Variants in ARHGAP6 observed in about 807,000 individuals in gnomAD.
ARHGAP6 encodes Rho GTPase activating protein 6.
A neutral mutation model predicts 55.7 loss-of-function variants in ARHGAP6; 16 were observed. That is an observed-to-expected ratio of 0.29 (90% confidence interval 0.19 to 0.44). The LOEUF (loss-of-function observed/expected upper bound fraction) is 0.44, where lower values mean the gene tolerates loss of function less well. Among genes scored for constraint, ARHGAP6 ranks in the 20% least tolerant of loss-of-function variants. The probability of loss-of-function intolerance (pLI) is 1.00; values close to 1 mark genes in which losing one functional copy is unlikely to be tolerated. For missense variants in ARHGAP6, 698 were observed against 808.9 expected (o/e 0.86, Z 1.66); for synonymous variants, 382 against 360.9 (o/e 1.06, Z -0.66).
At chrX:11,500,770 G>C (rs2050670237) in intron 1 of ARHGAP6, among the ~76,000 whole-genome samples, 1 of 109,705 alleles carries the variant, frequency 9.1e-6, no homozygotes, top group Non-Finnish European at 1.9e-5. Context: ...CAAGTCTTTT[G>C]GGGGGGAAGG....
chrX:11,391,181 G>A (rs146619818), intron 1 of ARHGAP6, among the ~76,000 whole-genome samples: 4 of 111,430 alleles, frequency 3.6e-5, no homozygotes, highest in African/African-American at 9.8e-5. Flanking sequence ...GGATGAAGCC[G>A]GAAACCATCA....
At chrX:11,470,983 A>G (rs184006886) in intron 1 of ARHGAP6, among the ~76,000 whole-genome samples, 400 of 112,148 alleles carry the variant, frequency 3.6e-3, no homozygotes, top group African/African-American at 0.012. Context: ...TTGCATATAC[A>G]GGTTTCTCTA....
chrX:11,336,257 G>A (rs1603092862), intron 1 of ARHGAP6, among the ~76,000 whole-genome samples: 1 of 111,205 alleles, frequency 9.0e-6, no homozygotes, highest in Non-Finnish European at 1.9e-5. Context: ...AGTCTCCTGG[G>A]CATTTTCTAC....
At chrX:11,529,086 C>G (rs1316186696) in intron 1 of ARHGAP6, among the ~76,000 whole-genome samples, 1 of 111,617 alleles carries the variant, frequency 9.0e-6, no homozygotes, top group Non-Finnish European at 1.9e-5. Context: ...TTTTACTTTT[C>G]TCAGGCCCTT....
chrX:11,275,454 T>C (rs935743558), intron 1 of ARHGAP6, among the ~76,000 whole-genome samples: 1 of 111,692 alleles, frequency 9.0e-6, no homozygotes, highest in African/African-American at 3.2e-5. Context: ...CATTGCTTCC[T>C]ATGTCTCTCC....
intron 1 of ARHGAP6, among the ~76,000 whole-genome samples, chrX:11,399,414 T>C (rs1053668075): frequency 1.8e-5 from 2 of 108,765 alleles, no homozygotes; most frequent in African/African-American, 6.7e-5. Context: ...AATGGATCAT[T>C]GTCCTAAGTA....
At chrX:11,407,876 A>G (rs2049630096) in intron 1 of ARHGAP6, among the ~76,000 whole-genome samples, 1 of 111,522 alleles carries the variant, frequency 9.0e-6, no homozygotes, top group Admixed American at 9.6e-5. Context: ...AATCAGATAC[A>G]GGAATGATAT....
intron 1 of ARHGAP6, among the ~76,000 whole-genome samples, chrX:11,661,653 A>T (rs1241214688): frequency 1.8e-5 from 2 of 112,452 alleles, no homozygotes; most frequent in African/African-American, 6.5e-5. Flanking sequence ...AATGGAAGAG[A>T]AATAGAAAAT....
At chrX:11,263,635 C>A (rs749314364) in intron 1 of ARHGAP6, among the ~76,000 whole-genome samples, 5 of 110,922 alleles carry the variant, frequency 4.5e-5, no homozygotes, top group Non-Finnish European at 9.5e-5. Flanking sequence ...TTGCACCAAC[C>A]CTTAAGGAGG....
At chrX:11,247,409 C>T (rs991281138) in intron 2 of ARHGAP6, among the ~76,000 whole-genome samples, 1 of 112,422 alleles carries the variant, frequency 8.9e-6, no homozygotes, top group African/African-American at 3.2e-5. Context: ...AATGCCTACA[C>T]TAACGTGCTA....
chrX:11,596,338 C>T (rs746309432), intron 1 of ARHGAP6, among the ~76,000 whole-genome samples: 9 of 111,465 alleles, frequency 8.1e-5, no homozygotes, highest in African/African-American at 2.6e-4. Context: ...AACCAAACAT[C>T]GCATGTTGTC....
At chrX:11,266,639 G>C (rs1018545432) in intron 1 of ARHGAP6, among the ~76,000 whole-genome samples, 1 of 111,089 alleles carries the variant, frequency 9.0e-6, no homozygotes, top group African/African-American at 3.3e-5. Context: ...GAGAGAAAAG[G>C]GAAGATTAAT....
At chrX:11,338,909 C>G (rs1002758982) in intron 1 of ARHGAP6, among the ~76,000 whole-genome samples, 1 of 112,006 alleles carries the variant, frequency 8.9e-6, no homozygotes, top group Admixed American at 9.5e-5. Context: ...TTTTCCTTCA[C>G]TAGCCACTTG....
chrX:11,140,262 C>CA (rs1344299607), intron 12 of ARHGAP6, among the ~76,000 whole-genome samples: 1 of 107,557 alleles, frequency 9.3e-6, no homozygotes, highest in Non-Finnish European at 1.9e-5. Flanking sequence ...ACTAAAAATA[C>CA]AAAAAATTAG....
rs186843049 is a variant in ARHGAP6, at chrX:11,564,951, C to G, written c.588+99290G>C. Among the ~76,000 whole-genome samples, 166 of 112,039 alleles carry G rather than the reference C, an allele frequency of 1.5e-3. 1 individual carries two copies. Among genetic ancestry groups the G allele is most frequent in the Non-Finnish European group, 2.8e-3 (150 of 53,205 alleles). On this transcript the variant is annotated intron_variant, in intron 1 of 12. Transcript: ENST00000337414. ...CCTGGAGACTTTTTCCAAGGTTTGTCTCTGAAGGAGAAAACTTATCCAAAG... is the reference window on the plus strand; with the variant it reads ...CCTGGAGACTTTTTCCAAGGTTTGTGTCTGAAGGAGAAAACTTATCCAAAG...
At chrX:11,461,184 G>T (rs1474052896) in intron 1 of ARHGAP6, among the ~76,000 whole-genome samples, 1 of 112,141 alleles carries the variant, frequency 8.9e-6, no homozygotes, top group Non-Finnish European at 1.9e-5. Flanking sequence ...CGTAACTCAA[G>T]CTGGTTGGGA....
chrX:11,206,646 ATTAC>A (rs1215392462), intron 2 of ARHGAP6, among the ~76,000 whole-genome samples: 1 of 111,422 alleles, frequency 9.0e-6, no homozygotes, highest in African/African-American at 3.3e-5. Flanking sequence ...GCCTTGTTAT[ATTAC>A]TTACAGTCAA....
intron 1 of ARHGAP6, among the ~76,000 whole-genome samples, chrX:11,587,372 A>G (rs1414061012): frequency 8.9e-6 from 1 of 111,866 alleles, no homozygotes; most frequent in Non-Finnish European, 1.9e-5. Context: ...TGTGTTTGGT[A>G]ATACATATGA....
chrX:11,417,861 T>C (rs773827588), intron 1 of ARHGAP6, among the ~76,000 whole-genome samples: 2 of 111,875 alleles, frequency 1.8e-5, no homozygotes, highest in South Asian at 7.6e-4. Flanking sequence ...GAGCTTTGGT[T>C]TCCTCATCTT....
Sources: gnomAD v4.1 joint callset for allele counts (sites outside exome capture counted in the v4.1 genomes callset) on GRCh38, gnomAD v4.1.1 for gene constraint, MANE v1.5 for transcripts, NCBI Gene and HGNC (gene_info 2026-07-23, HGNC 2026-07-21) for gene names.